PHACTR1: variants seen among roughly 807,000 people sequenced by gnomAD.
The protein encoded by PHACTR1 is RPEL repeat containing 1.
Under a neutral mutation model 69.2 loss-of-function variants are expected in PHACTR1, and 16 were observed. The ratio of observed to expected loss-of-function variants is 0.23; its 90% CI spans 0.16 to 0.35. The LOEUF is 0.35. Among genes scored for constraint, PHACTR1 ranks in the 10% least tolerant of loss-of-function variants. PHACTR1 has a pLI of 1.00. For missense variants in PHACTR1, 510 were observed against 734.7 expected, an observed-to-expected ratio of 0.69 and a Z score of 3.54; for synonymous variants, 312 against 284.5, an observed-to-expected ratio of 1.10 and a Z score of -0.97.
intron 4 of PHACTR1, among the ~76,000 whole-genome samples, chr6:12,879,084 T>C (rs75460250): frequency 0.011 from 1,750 of 152,280 alleles, 40 homozygotes; most frequent in African/African-American, 0.039. Context: ...CTTACAGTCA[T>C]GTTTCTCAAG....
chr6:13,216,677 C>A (rs1002151224), intron 8 of PHACTR1, among the ~76,000 whole-genome samples: 1 of 152,160 alleles, frequency 6.6e-6, no homozygotes, highest in Non-Finnish European at 1.5e-5. Context: ...TAGGTCAGTT[C>A]TTTGATTTTA....
intron 4 of PHACTR1, among the ~76,000 whole-genome samples, chr6:12,816,375 G>A (rs1168343758): frequency 6.6e-6 from 1 of 152,140 alleles, no homozygotes; most frequent in African/African-American, 2.4e-5. Context: ...ATTCCCCTTA[G>A]TCTTTTAGTC....
chr6:12,759,434 G>A (rs1767772115), intron 4 of PHACTR1, among the ~76,000 whole-genome samples: 1 of 132,894 alleles, frequency 7.5e-6, no homozygotes, highest in South Asian at 2.3e-4. Flanking sequence ...ACTCAGAAAA[G>A]GCATTTGCAA....
chr6:13,159,287 A>C lies in PHACTR1; in HGVS notation c.416-917A>C, dbSNP rs1758637221. Among the ~76,000 whole-genome samples, 3 of 152,178 alleles carry C rather than the reference A, an allele frequency of 2.0e-5. No homozygotes were observed. In the South Asian group the frequency reaches 6.2e-4, roughly 32 times the overall value. On this transcript the variant is annotated intron_variant, in intron 5 of 14. Transcript: ENST00000332995. ...GGAGCCTAAGAGAAGAAGGCAGTGGAGGGGCCGTGCCATGGAAGCCACCCC... is the reference window on the plus strand; with the variant it reads ...GGAGCCTAAGAGAAGAAGGCAGTGGCGGGGCCGTGCCATGGAAGCCACCCC...
At chr6:13,009,026 T>G (rs1001362380) in intron 4 of PHACTR1, among the ~76,000 whole-genome samples, 20 of 152,170 alleles carry the variant, frequency 1.3e-4, no homozygotes, top group African/African-American at 4.6e-4. Context: ...TGCTCCAGCT[T>G]CTGGTGACTG....
chr6:13,051,115 A>AC (rs899852769), intron 4 of PHACTR1, among the ~76,000 whole-genome samples: 2 of 151,262 alleles, frequency 1.3e-5, no homozygotes, highest in South Asian at 2.1e-4. Context: ...GATCAGGCCG[A>AC]CCCCCCCATT....
intron 4 of PHACTR1, among the ~76,000 whole-genome samples, chr6:12,791,868 C>A (rs1017635461): frequency 1.3e-5 from 2 of 152,044 alleles, no homozygotes; most frequent in African/African-American, 4.8e-5. Context: ...AGGGTTGCAC[C>A]ATAGTGGGGA....
At chr6:12,905,419 C>G (rs1007853852) in intron 4 of PHACTR1, among the ~76,000 whole-genome samples, 1 of 152,208 alleles carries the variant, frequency 6.6e-6, no homozygotes, top group Non-Finnish European at 1.5e-5. Flanking sequence ...TGTGTCTAAT[C>G]AGCAGCCATA....
Position 13,076,329 on chromosome 6 carries a change from C to A in PHACTR1, c.415+22800C>A, listed in dbSNP as rs189465432. 9.5e-4 allele frequency among the ~76,000 whole-genome samples: 145 copies of A among 152,144 alleles called. 1 individual carries two copies. Among genetic ancestry groups the A allele is most frequent in the African/African-American group, 3.2e-3 (133 of 41,506 alleles). On this transcript the variant is annotated intron_variant, in intron 5 of 14. Transcript: ENST00000332995. ...ATCCTTTAATTGTCTTAATTTAGTC[C>A]CAATTGATAATTATTTCCCAGGGAA...
chr6:12,951,985 G>A (rs950158845), intron 4 of PHACTR1, among the ~76,000 whole-genome samples: 3 of 152,224 alleles, frequency 2.0e-5, no homozygotes, highest in Middle Eastern at 3.4e-3. Context: ...ACAACCCAGT[G>A]AAAAACAATT....
intron 3 of PHACTR1, among the ~76,000 whole-genome samples, chr6:12,721,826 C>G (rs971071058): frequency 6.6e-6 from 1 of 152,202 alleles, no homozygotes; most frequent in African/African-American, 2.4e-5. Flanking sequence ...AATAAAGGAA[C>G]AGTGAATGGG....
intron 5 of PHACTR1, among the ~76,000 whole-genome samples, chr6:13,152,536 A>G: frequency 6.6e-6 from 1 of 152,164 alleles, no homozygotes. Context: ...CTGTTAGTAG[A>G]GGTGGTCTTT....
chr6:13,002,630 C>T (rs1306874489), intron 4 of PHACTR1, among the ~76,000 whole-genome samples: 2 of 152,180 alleles, frequency 1.3e-5, no homozygotes, highest in African/African-American at 4.8e-5. Context: ...CCAAACTTGG[C>T]TGTACCAATG....
intron 5 of PHACTR1, among the ~76,000 whole-genome samples, chr6:13,135,121 GCTAA>G (rs1288551310): frequency 6.6e-6 from 1 of 152,188 alleles, no homozygotes; most frequent in East Asian, 1.9e-4. Flanking sequence ...GGAAATTTCA[GCTAA>G]CTCTCACCAC....
At chr6:12,922,959 A>C (rs773137362) in intron 4 of PHACTR1, among the ~76,000 whole-genome samples, 4 of 152,216 alleles carry the variant, frequency 2.6e-5, no homozygotes, top group Non-Finnish European at 5.9e-5. Context: ...AAAGAACTAT[A>C]TTCCTTTAGT....
intron 4 of PHACTR1, among the ~76,000 whole-genome samples, chr6:12,992,629 C>A (rs191167386): frequency 6.6e-6 from 1 of 152,114 alleles, no homozygotes. Context: ...AATATTGAAG[C>A]GGTGCTGTTT....
intron 10 of PHACTR1, among the ~76,000 whole-genome samples, chr6:13,261,797 C>G (rs1438974177): frequency 6.6e-6 from 1 of 152,166 alleles, no homozygotes; most frequent in Non-Finnish European, 1.5e-5. Flanking sequence ...GATACTGAAG[C>G]TTTAAGCTGT....
Position 13,205,808 on chromosome 6 carries a change from G to T in PHACTR1, c.665-7G>T. On this transcript the variant is annotated splice_polypyrimidine_tract_variant and splice_region_variant and intron_variant, in intron 7 of 14. Transcript: ENST00000332995. The stretch of plus-strand genomic sequence containing the variant: ...CACATCTGCCTCTCGCCCTCTTTCT[G>T]CCACAGATCCTGGCGCCCCTGTGAA... 1 of 1,572,280 alleles carries T rather than the reference G, an allele frequency of 6.4e-7. No homozygotes were observed. The highest frequency in any genetic ancestry group is 8.7e-7 in the Non-Finnish European group (1 of 1,152,954).
intron 4 of PHACTR1, among the ~76,000 whole-genome samples, chr6:12,982,044 G>T (rs1795585623): frequency 6.6e-6 from 1 of 152,212 alleles, no homozygotes; most frequent in East Asian, 1.9e-4. Context: ...ATCCCAATGA[G>T]CCTCTTTTAC....
Sources: allele counts gnomAD v4.1 joint callset (sites outside exome capture counted in the v4.1 genomes callset), GRCh38; gene constraint gnomAD v4.1.1; transcripts MANE v1.5; gene names NCBI Gene and HGNC (gene_info 2026-07-23, HGNC 2026-07-21).